The following KCNT1 variants were observed in gnomAD, a reference collection of about 807,000 sequenced individuals.
KCNT1 encodes the protein potassium channel subfamily T member 1.
KCNT1 carries 78 observed loss-of-function variants against 147.8 expected under a neutral mutation model. The observed-to-expected ratio is 0.53, with a 90% CI of 0.44 to 0.64. The LOEUF is 0.64. Ranked by LOEUF, KCNT1 falls within the 30% of genes least tolerant of loss-of-function variation. KCNT1 has a pLI of 0.00. For synonymous variants in KCNT1, 867 were observed against 748.8 expected (o/e 1.16, Z -2.58); for missense variants, 1,419 against 1,750.3 (o/e 0.81, Z 3.38).
intron 1 of KCNT1, among the ~76,000 whole-genome samples, chr9:135,703,641 G>A (rs1019241109): frequency 6.6e-6 from 1 of 152,194 alleles, no homozygotes; most frequent in African/African-American, 2.4e-5. Context: ...GACCCCAAGG[G>A]GGTCCTGGAT....
At chr9:135,772,056 G>A (rs184952845) in intron 18 of KCNT1, among the ~76,000 whole-genome samples, 3 of 152,312 alleles carry the variant, frequency 2.0e-5, no homozygotes, top group Admixed American at 6.5e-5. Flanking sequence ...GCCAGACCCC[G>A]CAGGTTCCCG....
intron 6 of KCNT1, among the ~76,000 whole-genome samples, chr9:135,755,972 A>G (rs951638543): frequency 4.8e-5 from 7 of 145,000 alleles, no homozygotes; most frequent in African/African-American, 1.8e-4. Context: ...GTGGGCACTG[A>G]GGACAAACCC....
chr9:135,790,096 A>C (rs1834381280), intron 29 of KCNT1: 3 of 151,852 alleles, frequency 2.0e-5, no homozygotes, highest in Admixed American at 2.0e-4. Flanking sequence ...CAGCGGGAGA[A>C]GCTGGGGCCT....
At chr9:135,716,192 T>C (rs1480613236) in intron 2 of KCNT1, among the ~76,000 whole-genome samples, 1 of 152,184 alleles carries the variant, frequency 6.6e-6, no homozygotes, top group Non-Finnish European at 1.5e-5. Flanking sequence ...CTTGGTTAAT[T>C]CTTGAAAACG....
chr9:135,747,639 A>G (rs963115616), intron 2 of KCNT1, among the ~76,000 whole-genome samples: 1 of 152,126 alleles, frequency 6.6e-6, no homozygotes, highest in African/African-American at 2.4e-5. Flanking sequence ...CCAGGCACAC[A>G]GAGGAGAGGC....
Position 135,785,345 on chromosome 9 carries a change from C to T in KCNT1, c.3177+15C>T, listed in dbSNP as rs375805715. 66 of 1,612,890 alleles carry T rather than the reference C, an allele frequency of 4.1e-5. No individual in the cohort carries two copies. The highest frequency in any genetic ancestry group is 1.8e-4 in the Admixed American group (11 of 60,002). On this transcript the variant is annotated intron_variant, in intron 28 of 30. Coordinates refer to ENST00000371757, the MANE Select transcript of KCNT1 (RefSeq NM_020822.3). ...TCAGAGCCCAGGTAAGCAACCCCTC[C>T]GTGCCCACGCAGCTTCTGCGGAGCA... is the stretch of plus-strand genomic sequence containing the variant.
chr9:135,743,746 G>A (rs1192735132), intron 2 of KCNT1, among the ~76,000 whole-genome samples: 1 of 152,382 alleles, frequency 6.6e-6, no homozygotes, highest in African/African-American at 2.4e-5. Context: ...CACAGCCGAT[G>A]TTCCTGGACC....
rs56307359 is a variant in KCNT1, at chr9:135,730,990, T to TAAAAAAA, written c.254+16287_254+16293dup. On this transcript the variant is annotated intron_variant, in intron 2 of 30. Coordinates refer to ENST00000371757, the MANE Select transcript of KCNT1 (RefSeq NM_020822.3). The surrounding 1 kb of genome is among the most constrained non-coding windows in gnomAD (Gnocchi z 4.7). ...AACAAAGTGAGATCCCGTCTCAAGG[T>TAAAAAAA]AAAAAAAAAAAAAAAAAAAAAAAGT... Among the ~76,000 whole-genome samples the TAAAAAAA allele has an allele frequency of 2.3e-5, 2 of 85,592 alleles. No homozygotes were observed. Among genetic ancestry groups the TAAAAAAA allele is most frequent in the African/African-American group, 4.5e-5 (1 of 22,078 alleles). The allele number at this position is 85,592 out of a possible 152,430, so 56.2% of individuals were successfully genotyped here.
At chr9:135,768,238 T>G (rs1313953460) in intron 13 of KCNT1, among the ~76,000 whole-genome samples, 5 of 3,392 alleles carry the variant, frequency 1.5e-3, no homozygotes, top group Admixed American at 3.3e-3. Flanking sequence ...CCAGGATGCC[T>G]GCGGGGGGGG....
In KCNT1 at chr9:135,792,123, T is replaced by C. The variant is rs1408592085; in HGVS notation, c.3670T>C (p.Ser1224Pro). 1.2e-6 allele frequency: 2 copies of C among 1,605,900 alleles called. No homozygotes were observed. The highest frequency in any genetic ancestry group is 2.7e-5 in the African/African-American group (2 of 74,870). ...RKSSCSHKLS[S>P]CNPETRDETQ... ...GAGCAGCTGCAGCCACAAGCTGTCG[T>C]CCTGCAACCCCGAGACTCGCGACGA... Residue 1224 changes from serine (S) to proline (P), a missense_variant, in exon 31 of 31, where the codon TCC becomes CCC. Ser to Pro is a moderately conservative substitution (Grantham distance 74, BLOSUM62 -1). This residue lies in a region of KCNT1 where 306 missense variants were observed against 294.2 expected (regional missense o/e 1.04). Transcript: ENST00000371757.
intron 20 of KCNT1, 63 bp downstream of exon 20, chr9:135,775,478 T>C: frequency 8.3e-7 from 1 of 1,209,242 alleles, no homozygotes; most frequent in South Asian, 1.4e-5. Context: ...CGTGCATACC[T>C]GCCCTGGTTT....
chr9:135,736,884 G>C, intron 2 of KCNT1: 1 of 279,580 alleles, frequency 3.6e-6, no homozygotes. Context: ...CCTGCAGCCC[G>C]GGGAAGGGGG....
chr9:135,776,620 G>A (rs528153515), intron 20 of KCNT1, among the ~76,000 whole-genome samples: 12 of 152,296 alleles, frequency 7.9e-5, no homozygotes, highest in African/African-American at 2.2e-4. Context: ...GTTAGGGCTC[G>A]GCCACGGAGG....
At position 135,752,223 on chromosome 9, in the gene KCNT1, T is replaced by C. The variant is rs1831217398; in HGVS notation, c.434+1182T>C. On this transcript the variant is annotated intron_variant, in intron 4 of 30. Transcript: ENST00000371757. This position sits in a 1 kb window ranked among gnomAD's most constrained non-coding sequence, Gnocchi z 5.1. ...CAGGTTCTTCCCTGGAGAGAAGGCC[T>C]GACTGCCGGGAGCCTGGCTTCTGGG... The C allele has an allele frequency of 2.6e-6, 1 of 383,924 alleles. No homozygotes were observed. The highest frequency in any genetic ancestry group is 5.2e-6 in the Non-Finnish European group (1 of 194,118). The allele number at this position is 383,924 out of a possible 1,614,324, so 23.8% of individuals were successfully genotyped here.
intron 2 of KCNT1, among the ~76,000 whole-genome samples, chr9:135,738,041 C>T (rs1830412131): frequency 6.6e-6 from 1 of 152,156 alleles, no homozygotes; most frequent in Non-Finnish European, 1.5e-5. Flanking sequence ...CTGCTACAGC[C>T]AGCCCTCAAG....
intron 13 of KCNT1, 31 bp downstream of exon 13, chr9:135,765,791 G>A (rs1381363405): frequency 1.3e-6 from 2 of 1,546,186 alleles, no homozygotes; most frequent in East Asian, 2.3e-5. Flanking sequence ...GGGGTGGCAT[G>A]GGGGCACCTT....
At chr9:135,723,600 T>C (rs999598509) in intron 2 of KCNT1, among the ~76,000 whole-genome samples, 2 of 152,214 alleles carry the variant, frequency 1.3e-5, no homozygotes, top group African/African-American at 4.8e-5. Context: ...ACACGGGGCC[T>C]GCTGCCTCCA....
At chr9:135,787,235 C>T (rs1834128090) in intron 29 of KCNT1, among the ~76,000 whole-genome samples, 1 of 152,232 alleles carries the variant, frequency 6.6e-6, no homozygotes, top group Non-Finnish European at 1.5e-5. Flanking sequence ...TCCGTGCAGC[C>T]CCCTCTCTCT....
At position 135,751,055 on chromosome 9, in the gene KCNT1, G is replaced by A. The variant is rs376699928; in HGVS notation, c.434+14G>A. On this transcript the variant is annotated intron_variant, in intron 4 of 30. Coordinates refer to ENST00000371757, the MANE Select transcript of KCNT1 (RefSeq NM_020822.3). ...GGGCATCGGATGGTGGGCCACGTGC[G>A]CGGCCGGGCGCGGGGTCCCGGGTCC... The A allele has an allele frequency of 9.4e-6, 15 of 1,604,046 alleles. No individual in the cohort carries two copies. Among genetic ancestry groups the A allele is most frequent in the Admixed American group, 3.3e-5 (2 of 59,926 alleles).
Sources: allele counts gnomAD v4.1 joint callset (sites outside exome capture counted in the v4.1 genomes callset), GRCh38; gene constraint gnomAD v4.1.1; regional missense constraint gnomAD v4.1.1; non-coding constraint Gnocchi (gnomAD v3.1); transcripts MANE v1.5; gene names NCBI Gene and HGNC (gene_info 2026-07-23, HGNC 2026-07-21).